Variants in TBC1D1 observed in about 807,000 individuals in gnomAD.
TBC1D1 encodes TBC1 (tre-2/USP6, BUB2, cdc16) domain family, member 1.
In TBC1D1, 89 loss-of-function variants were observed where a neutral mutation model predicts 125.6. The ratio of observed to expected loss-of-function variants is 0.71; its 90% CI spans 0.60 to 0.85. TBC1D1 has a LOEUF of 0.85. Ranked by LOEUF, TBC1D1 falls within the 40% of genes least tolerant of loss-of-function variation. The probability of loss-of-function intolerance (pLI) is 0.00; values close to 1 mark genes in which losing one functional copy is unlikely to be tolerated. For synonymous variants in TBC1D1, 565 were observed against 564.1 expected (o/e 1.00, Z -0.02); for missense variants, 1,377 against 1,469.2 (o/e 0.94, Z 1.03).
At chr4:38,025,825 T>A (rs1409440049) in intron 6 of TBC1D1, among the ~76,000 whole-genome samples, 1 of 152,234 alleles carries the variant, frequency 6.6e-6, no homozygotes, top group South Asian at 2.1e-4. Context: ...CCTGGCTTCA[T>A]GTGACCTGAC....
chr4:38,042,582 A>T (rs1257321443), intron 8 of TBC1D1, among the ~76,000 whole-genome samples: 1 of 152,056 alleles, frequency 6.6e-6, no homozygotes, highest in East Asian at 1.9e-4. Context: ...ATTTGTATTC[A>T]TTCATTTAAG....
intron 2 of TBC1D1, among the ~76,000 whole-genome samples, chr4:37,909,802 T>C (rs1215456715): frequency 1.3e-5 from 2 of 152,186 alleles, no homozygotes; most frequent in Non-Finnish European, 2.9e-5. Flanking sequence ...CCCAGCCTGA[T>C]TTATTATGTA....
chr4:37,982,999 T>C (rs1312969886), intron 2 of TBC1D1, among the ~76,000 whole-genome samples: 1 of 152,122 alleles, frequency 6.6e-6, no homozygotes, highest in Non-Finnish European at 1.5e-5. Flanking sequence ...GGAGCGAGAC[T>C]GCTGGGGGGA....
intron 19 of TBC1D1, among the ~76,000 whole-genome samples, chr4:38,135,856 GTGTGTGTGTATATATA>G (rs1766431862): frequency 1.6e-5 from 1 of 63,706 alleles, no homozygotes; most frequent in African/African-American, 4.7e-5. Flanking sequence ...ATATATATAT[GTGTGTGTGTATATATA>G]TGTGTGTGTG....
chr4:38,093,357 A>G (rs1258809121), intron 13 of TBC1D1, among the ~76,000 whole-genome samples: 4 of 152,140 alleles, frequency 2.6e-5, no homozygotes, highest in Non-Finnish European at 5.9e-5. Flanking sequence ...AAAGAACCAT[A>G]CTATGTCATC....
At chr4:37,997,861 G>T (rs1691942063) in intron 2 of TBC1D1, among the ~76,000 whole-genome samples, 1 of 151,988 alleles carries the variant, frequency 6.6e-6, no homozygotes, top group Admixed American at 6.6e-5. Flanking sequence ...ATTCTCTGAG[G>T]TGCAGCACAC....
At chr4:37,996,543 C>T (rs984024976) in intron 2 of TBC1D1, among the ~76,000 whole-genome samples, 45 of 152,104 alleles carry the variant, frequency 3.0e-4, no homozygotes, top group African/African-American at 1.1e-3. Flanking sequence ...CTGTTTCTAC[C>T]GCTGATCAGA....
chr4:38,104,679 G>A (rs1219964321), intron 15 of TBC1D1, among the ~76,000 whole-genome samples: 2 of 152,176 alleles, frequency 1.3e-5, no homozygotes, highest in Non-Finnish European at 2.9e-5. Context: ...GCCGCATCAG[G>A]CAGTATGAAG....
At chr4:38,067,746 G>GT (rs1753987640) in intron 12 of TBC1D1, among the ~76,000 whole-genome samples, 1 of 152,156 alleles carries the variant, frequency 6.6e-6, no homozygotes, top group African/African-American at 2.4e-5. Flanking sequence ...TCAGCCCCTG[G>GT]TGCAGGTCCC....
At chr4:38,064,225 C>T (rs1753280625) in intron 12 of TBC1D1, among the ~76,000 whole-genome samples, 1 of 152,156 alleles carries the variant, frequency 6.6e-6, no homozygotes, top group South Asian at 2.1e-4. Context: ...TATGGTTTAT[C>T]CTTTACCAGT....
chr4:38,091,720 GC>G (rs1464057824), intron 13 of TBC1D1, among the ~76,000 whole-genome samples: 1 of 152,184 alleles, frequency 6.6e-6, no homozygotes, highest in Non-Finnish European at 1.5e-5. Context: ...AAACCAGTGT[GC>G]CACAAAAGCA....
intron 2 of TBC1D1, among the ~76,000 whole-genome samples, chr4:37,939,595 C>T (rs1185627989): frequency 6.6e-6 from 1 of 152,146 alleles, no homozygotes; most frequent in African/African-American, 2.4e-5. Flanking sequence ...GAAGTCCTTG[C>T]CCATGCCTAT....
At chr4:38,083,994 G>A (rs2152529404) in intron 12 of TBC1D1, among the ~76,000 whole-genome samples, 1 of 147,618 alleles carries the variant, frequency 6.8e-6, no homozygotes, top group East Asian at 2.0e-4. Context: ...CTAGAGTGCA[G>A]TGGCACTATC....
At chr4:37,930,054 A>G (rs1041918055) in intron 2 of TBC1D1, among the ~76,000 whole-genome samples, 1 of 152,230 alleles carries the variant, frequency 6.6e-6, no homozygotes. Flanking sequence ...GCCAAAAAAC[A>G]TGAATGGAAA....
intron 2 of TBC1D1, among the ~76,000 whole-genome samples, chr4:37,984,864 T>G (rs1735112871): frequency 6.6e-6 from 1 of 151,974 alleles, no homozygotes; most frequent in African/African-American, 2.4e-5. Flanking sequence ...AAGAAAATGT[T>G]AGTGCTTTTG....
chr4:38,131,158 T>C (rs561893975), intron 18 of TBC1D1, among the ~76,000 whole-genome samples: 1 of 152,304 alleles, frequency 6.6e-6, no homozygotes, highest in South Asian at 2.1e-4. Context: ...TAGGGATTAA[T>C]GGAGGCCTGG....
At chr4:38,034,818 A>C (rs1746890699) in intron 7 of TBC1D1, among the ~76,000 whole-genome samples, 1 of 152,244 alleles carries the variant, frequency 6.6e-6, no homozygotes, top group Non-Finnish European at 1.5e-5. Flanking sequence ...ATATATGATA[A>C]AATCATACAT....
intron 2 of TBC1D1, among the ~76,000 whole-genome samples, chr4:37,936,432 G>A (rs1280096263): frequency 6.6e-6 from 1 of 152,314 alleles, no homozygotes; most frequent in Admixed American, 6.5e-5. Flanking sequence ...GTCTCTCTCT[G>A]TTGCTGCACT....
At chr4:38,056,854 G>T (rs888796140) in intron 12 of TBC1D1, among the ~76,000 whole-genome samples, 2 of 152,014 alleles carry the variant, frequency 1.3e-5, no homozygotes, top group Non-Finnish European at 2.9e-5. Flanking sequence ...TTTTTCCCTC[G>T]CATAGTTTGT....
Sources: gnomAD v4.1 joint callset for allele counts (sites outside exome capture counted in the v4.1 genomes callset) on GRCh38, gnomAD v4.1.1 for gene constraint, MANE v1.5 for transcripts, NCBI Gene and HGNC (gene_info 2026-07-23, HGNC 2026-07-21) for gene names.